The following CAMTA1 variants were observed in gnomAD, a reference collection of about 807,000 sequenced individuals.
CAMTA1 encodes calmodulin binding transcription activator 1.
A neutral mutation model predicts 170.9 loss-of-function variants in CAMTA1; 27 were observed. That is an observed-to-expected ratio of 0.16 (90% CI 0.12 to 0.22). The LOEUF (loss-of-function observed/expected upper bound fraction) is 0.22, where lower values mean the gene tolerates loss of function less well. CAMTA1 is among the 10% of genes least tolerant of loss of function. CAMTA1 has a pLI of 1.00. For missense variants in CAMTA1, 1,619 were observed against 2,217.2 expected (o/e 0.73, Z 5.42); for synonymous variants, 833 against 891.5 (o/e 0.93, Z 1.17).
At chr1:7,410,295 G>A (rs1461155659) in intron 5 of CAMTA1, among the ~76,000 whole-genome samples, 1 of 152,250 alleles carries the variant, frequency 6.6e-6, no homozygotes, top group South Asian at 2.1e-4. Flanking sequence ...CCCAAAAACT[G>A]GTGGACATGG....
At chr1:7,187,776 T>C (rs1476929882) in intron 4 of CAMTA1, among the ~76,000 whole-genome samples, 1 of 152,126 alleles carries the variant, frequency 6.6e-6, no homozygotes, top group Non-Finnish European at 1.5e-5. Flanking sequence ...TCCATCCCAT[T>C]AGAGTGGGAC....
chr1:7,154,275 T>G (rs568464306), intron 4 of CAMTA1, among the ~76,000 whole-genome samples: 1 of 152,186 alleles, frequency 6.6e-6, no homozygotes, highest in East Asian at 1.9e-4. Flanking sequence ...GACTCCCGTC[T>G]GTAGGTGTTG....
At chr1:6,863,674 T>A (rs1665582620) in intron 3 of CAMTA1, among the ~76,000 whole-genome samples, 1 of 152,238 alleles carries the variant, frequency 6.6e-6, no homozygotes, top group South Asian at 2.1e-4. Flanking sequence ...TATAGAAATG[T>A]CTGAAGAATA....
intron 4 of CAMTA1, among the ~76,000 whole-genome samples, chr1:7,153,592 GA>G (rs1305813655): frequency 6.6e-6 from 1 of 152,084 alleles, no homozygotes; most frequent in African/African-American, 2.4e-5. Context: ...TATGCAAGGA[GA>G]AAGGTCCAGA....
intron 11 of CAMTA1, among the ~76,000 whole-genome samples, chr1:7,730,379 C>A (rs1399270370): frequency 6.6e-6 from 1 of 152,190 alleles, no homozygotes; most frequent in East Asian, 1.9e-4. Context: ...AGGGCCTTCG[C>A]ATGTGCTATT....
chr1:7,457,926 G>A (rs1321698149), intron 5 of CAMTA1, among the ~76,000 whole-genome samples: 1 of 152,206 alleles, frequency 6.6e-6, no homozygotes, highest in Non-Finnish European at 1.5e-5. Flanking sequence ...GATACCCAGG[G>A]GAGGAGTCTG....
At chr1:6,945,824 G>A (rs928682050) in intron 3 of CAMTA1, among the ~76,000 whole-genome samples, 8 of 152,194 alleles carry the variant, frequency 5.3e-5, no homozygotes, top group Non-Finnish European at 1.0e-4. Flanking sequence ...GTTGTAGCGT[G>A]TATCAGTACT....
chr1:7,503,741 G>A (rs532541693), intron 6 of CAMTA1, among the ~76,000 whole-genome samples: 8 of 152,274 alleles, frequency 5.3e-5, no homozygotes, highest in African/African-American at 1.9e-4. Flanking sequence ...TGTGGCCCTC[G>A]GGAGGTGGGG....
At position 7,195,012 on chromosome 1, in the gene CAMTA1, T is replaced by G. The variant is rs2148970417; in HGVS notation, c.303-54479T>G. Among the ~76,000 whole-genome samples the G allele has an allele frequency of 6.6e-6, 1 of 152,288 alleles. No individual in the cohort carries two copies. Among genetic ancestry groups the G allele is most frequent in the South Asian group, 2.1e-4 (1 of 4,824 alleles). Reference sequence around the variant, plus strand: ...ATCTCATGGACTAAAACGTGGTAAATTGTCAAACTTCTCAGAGTAGGAAGA... The same window carrying G: ...ATCTCATGGACTAAAACGTGGTAAAGTGTCAAACTTCTCAGAGTAGGAAGA... On this transcript the variant is annotated intron_variant, in intron 4 of 22. Coordinates refer to ENST00000303635, the MANE Select transcript of CAMTA1 (RefSeq NM_015215.4). The surrounding 1 kb of genome is among the most constrained non-coding windows in gnomAD (Gnocchi z 4.1).
chr1:6,862,050 C>T (rs573258173), intron 3 of CAMTA1, among the ~76,000 whole-genome samples: 1 of 151,868 alleles, frequency 6.6e-6, no homozygotes, highest in Non-Finnish European at 1.5e-5. Context: ...GCAACCCCTG[C>T]CTCCCGGGTT....
chr1:7,234,037 G>A lies in CAMTA1; in HGVS notation c.303-15454G>A, dbSNP rs904583340. On this transcript the variant is annotated intron_variant, in intron 4 of 22. Coordinates refer to ENST00000303635, the MANE Select transcript of CAMTA1 (RefSeq NM_015215.4). The surrounding 1 kb of genome is among the most constrained non-coding windows in gnomAD (Gnocchi z 5.0). ...TTTATGCTACATTTGTATTAAGATT[G>A]GAGTCCTCGCTTTTCCTTCATCGCT... Among the ~76,000 whole-genome samples the A allele has an allele frequency of 1.3e-5, 2 of 152,102 alleles. No homozygotes were observed. Among genetic ancestry groups the A allele is most frequent in the Non-Finnish European group, 2.9e-5 (2 of 68,014 alleles).
intron 4 of CAMTA1, among the ~76,000 whole-genome samples, chr1:7,147,041 T>C (rs1345145217): frequency 1.3e-5 from 2 of 150,462 alleles, no homozygotes; most frequent in Admixed American, 1.3e-4. Flanking sequence ...TCATACACTT[T>C]GCACACACAC....
At chr1:7,557,957 G>A (rs1048233267) in intron 6 of CAMTA1, among the ~76,000 whole-genome samples, 3 of 152,212 alleles carry the variant, frequency 2.0e-5, no homozygotes. Flanking sequence ...AGCCCCGTGA[G>A]CATCTTTACC....
chr1:7,338,416 A>T (rs2083554678), intron 5 of CAMTA1, among the ~76,000 whole-genome samples: 1 of 152,226 alleles, frequency 6.6e-6, no homozygotes, highest in Non-Finnish European at 1.5e-5. Context: ...CTTTGAGTAC[A>T]GACTGTGCAC....
chr1:7,751,474 C>T, intron 20 of CAMTA1, 82 bp downstream of exon 20: 2 of 1,282,816 alleles, frequency 1.6e-6, no homozygotes, highest in East Asian at 2.4e-5. Flanking sequence ...CCTGGGCTGA[C>T]ATTGGAGTCT....
At chr1:7,610,749 T>C (rs988762691) in intron 6 of CAMTA1, among the ~76,000 whole-genome samples, 1 of 152,216 alleles carries the variant, frequency 6.6e-6, no homozygotes, top group Admixed American at 6.5e-5. Flanking sequence ...GGCTTTTTCT[T>C]TCTTCCCTAA....
At chr1:7,552,016 G>A (rs914916288) in intron 6 of CAMTA1, among the ~76,000 whole-genome samples, 3 of 152,216 alleles carry the variant, frequency 2.0e-5, no homozygotes, top group Admixed American at 1.3e-4. Flanking sequence ...GGGCCTGTAG[G>A]TGAGGAAAGA....
At chr1:7,139,233 T>C (rs982939267) in intron 4 of CAMTA1, among the ~76,000 whole-genome samples, 1 of 88,168 alleles carries the variant, frequency 1.1e-5, no homozygotes, top group Non-Finnish European at 2.8e-5. Flanking sequence ...AATATAAATA[T>C]ATATTTATAT....
chr1:7,417,911 C>T (rs2091300934), intron 5 of CAMTA1, among the ~76,000 whole-genome samples: 1 of 152,166 alleles, frequency 6.6e-6, no homozygotes. Flanking sequence ...ATTTGGCCAT[C>T]TTAGCTCCAC....
Sources: gnomAD v4.1 joint callset for allele counts (sites outside exome capture counted in the v4.1 genomes callset) on GRCh38, gnomAD v4.1.1 for gene constraint, Gnocchi (gnomAD v3.1) non-coding constraint, MANE v1.5 for transcripts, NCBI Gene and HGNC (gene_info 2026-07-23, HGNC 2026-07-21) for gene names.